The following MBD5 variants were observed in gnomAD, a reference collection of about 807,000 sequenced individuals.
MBD5 encodes the protein methyl-CpG-binding domain protein 5.
Under a neutral mutation model 117.3 loss-of-function variants are expected in MBD5, and 13 were observed. The observed-to-expected ratio is 0.11, with a 90% confidence interval of 0.07 to 0.18. The LOEUF (loss-of-function observed/expected upper bound fraction) is 0.18. Among genes scored for constraint, MBD5 ranks in the 10% least tolerant of loss-of-function variants. MBD5 has a pLI of 1.00. For synonymous variants in MBD5, 727 were observed against 766.4 expected (o/e 0.95, Z 0.85); for missense variants, 1,879 against 2,093.8 (o/e 0.90, Z 2.00).
chr2:148,272,827 C>G (rs997031993), intron 3 of MBD5, among the ~76,000 whole-genome samples: 1 of 151,990 alleles, frequency 6.6e-6, no homozygotes, highest in Admixed American at 6.6e-5. Flanking sequence ...GTTGTCTGTG[C>G]TTTCTGTTTG....
rs543394540 is a variant in MBD5, at chr2:148,223,265, G to A, written c.-830-9980G>A. ...GTATTTGTCTATTTTTGGTATAAGG[G>A]TAATACTGGGCTCATAGAATGAGTT... On this transcript the variant is annotated intron_variant, in intron 2 of 13. Transcript: ENST00000642680. 3.3e-5 allele frequency among the ~76,000 whole-genome samples: 5 copies of A among 152,012 alleles called. No individual in the cohort carries two copies. The East Asian group carries it at 9.7e-4, about 29-fold the overall frequency.
At chr2:148,287,352 C>T (rs1358606797) in intron 3 of MBD5, among the ~76,000 whole-genome samples, 1 of 152,196 alleles carries the variant, frequency 6.6e-6, no homozygotes, top group Admixed American at 6.5e-5. Context: ...TAGAGAAAGA[C>T]TGACCAACAA....
At chr2:148,308,487 C>CT (rs1701948279) in intron 3 of MBD5, among the ~76,000 whole-genome samples, 11 of 27,690 alleles carry the variant, frequency 4.0e-4, no homozygotes, top group South Asian at 1.5e-3. Context: ...TGATGGGGTT[C>CT]TTTCTTTTTT....
intron 2 of MBD5, among the ~76,000 whole-genome samples, chr2:148,211,592 A>G (rs755775451): frequency 3.9e-5 from 6 of 152,150 alleles, no homozygotes; most frequent in Non-Finnish European, 8.8e-5. Flanking sequence ...TAAAATATGA[A>G]GTATCTGAGG....
At chr2:148,120,575 G>A (rs1023569533) in intron 1 of MBD5, among the ~76,000 whole-genome samples, 2 of 151,954 alleles carry the variant, frequency 1.3e-5, no homozygotes, top group Non-Finnish European at 2.9e-5. Context: ...TAACTTCACT[G>A]TCCAACTGTT....
In MBD5 at chr2:148,513,167, A is replaced by G. The variant is rs748781033; in HGVS notation, c.*226A>G. 10 of 546,520 alleles carry G rather than the reference A, an allele frequency of 1.8e-5. No homozygotes were observed. The highest frequency in any genetic ancestry group is 2.9e-5 in the Non-Finnish European group (9 of 306,100). 33.9% of individuals were successfully genotyped at this position (546,520 alleles called of 1,614,324 possible). A position where few individuals can be genotyped will look rare whatever the true frequency, so the allele number is the denominator to read the frequency against. Reference sequence around the variant, plus strand: ...AGTCTCTGTGTGATGAGAGTGATCAATGGTCAAGAGATTACTGAGAAACTC... The same window carrying G: ...AGTCTCTGTGTGATGAGAGTGATCAGTGGTCAAGAGATTACTGAGAAACTC... On this transcript the variant is annotated 3_prime_UTR_variant, in exon 14 of 14. Coordinates refer to ENST00000642680, the MANE Select transcript of MBD5 (RefSeq NM_001378120.1).
At chr2:148,445,845 T>A (rs1225026663) in intron 4 of MBD5, among the ~76,000 whole-genome samples, 3 of 151,502 alleles carry the variant, frequency 2.0e-5, no homozygotes, top group Non-Finnish European at 2.9e-5. Flanking sequence ...TGTGAGATGG[T>A]ATCTCACTGT....
At chr2:148,302,323 T>C (rs2106483173) in intron 3 of MBD5, among the ~76,000 whole-genome samples, 1 of 152,298 alleles carries the variant, frequency 6.6e-6, no homozygotes, top group African/African-American at 2.4e-5. Context: ...AGACCAGATC[T>C]TTCTATTAAT....
At chr2:148,485,972 T>C (rs747826675) in intron 10 of MBD5, 22 bp downstream of exon 10, 1 of 1,605,760 alleles carries the variant, frequency 6.2e-7, no homozygotes, top group East Asian at 2.2e-5. Context: ...TGCTGTGTCA[T>C]TTTAGAAGAA....
At chr2:148,257,389 C>T (rs1700616217) in intron 3 of MBD5, among the ~76,000 whole-genome samples, 1 of 152,206 alleles carries the variant, frequency 6.6e-6, no homozygotes, top group Non-Finnish European at 1.5e-5. Flanking sequence ...AAATGCCCAC[C>T]AATATCCCAG....
chr2:148,502,318 A>T (rs1681896535), intron 11 of MBD5, 118 bp from the exon 12 acceptor site: 1 of 829,934 alleles, frequency 1.2e-6, no homozygotes, highest in Admixed American at 2.0e-5. Context: ...CAAGGTAGTG[A>T]AGGTTAAGGC....
intron 3 of MBD5, among the ~76,000 whole-genome samples, chr2:148,337,178 C>A (rs1283652401): frequency 2.0e-5 from 3 of 152,146 alleles, no homozygotes; most frequent in Admixed American, 6.5e-5. Context: ...TCTTTCCTGC[C>A]TAGTAGCCCG....
chr2:148,287,798 A>C (rs2890919), intron 3 of MBD5, among the ~76,000 whole-genome samples: 143,468 of 152,148 alleles, frequency 0.94, 68,179 homozygotes, highest in East Asian at 1. Flanking sequence ...CAATAATGAA[A>C]CCATCCTATG....
At chr2:148,431,688 T>C (rs1705989832) in intron 4 of MBD5, among the ~76,000 whole-genome samples, 1 of 152,184 alleles carries the variant, frequency 6.6e-6, no homozygotes, top group South Asian at 2.1e-4. Context: ...TGCAGCTCCA[T>C]CCATGTTTCT....
rs1682284534 is a variant in MBD5 at position 148,513,848 on chromosome 2, C to T, written c.*907C>T. On this transcript the variant is annotated 3_prime_UTR_variant, in exon 14 of 14. Coordinates refer to ENST00000642680, the MANE Select transcript of MBD5 (RefSeq NM_001378120.1). Reference sequence around the variant, plus strand: ...AGCAGATAGCTTATACTGACTGCACCACCGCTGGTGCTCAGAATTGAGGGT... The same window carrying T: ...AGCAGATAGCTTATACTGACTGCACTACCGCTGGTGCTCAGAATTGAGGGT... The T allele has an allele frequency of 6.6e-6, 1 of 152,072 alleles. No individual in the cohort carries two copies. Among genetic ancestry groups the T allele is most frequent in the East Asian group, 1.9e-4 (1 of 5,192 alleles). The allele number at this position is 152,072 out of a possible 1,614,324, so 9.4% of individuals were successfully genotyped here.
At chr2:148,386,963 A>T (rs1281072858) in intron 4 of MBD5, among the ~76,000 whole-genome samples, 1 of 152,152 alleles carries the variant, frequency 6.6e-6, no homozygotes, top group Non-Finnish European at 1.5e-5. Flanking sequence ...ACATGGCTGT[A>T]ACTGACCCCT....
intron 4 of MBD5, among the ~76,000 whole-genome samples, chr2:148,350,498 A>G (rs1703224699): frequency 6.6e-6 from 1 of 152,036 alleles, no homozygotes; most frequent in Non-Finnish European, 1.5e-5. Flanking sequence ...ATAGTGGGCA[A>G]TAGTTCAGTA....
chr2:148,041,634 C>T (rs1258314687), intron 1 of MBD5, among the ~76,000 whole-genome samples: 2 of 152,144 alleles, frequency 1.3e-5, no homozygotes, highest in Admixed American at 1.3e-4. Flanking sequence ...TGTACCTGTA[C>T]ACACGTTACA....
intron 1 of MBD5, among the ~76,000 whole-genome samples, chr2:148,098,844 A>T (rs937575690): frequency 6.6e-6 from 1 of 152,054 alleles, no homozygotes; most frequent in Non-Finnish European, 1.5e-5. Context: ...TGAACCCAGG[A>T]GTTCAAGACA....
Sources: allele counts gnomAD v4.1 joint callset (sites outside exome capture counted in the v4.1 genomes callset), GRCh38; gene constraint gnomAD v4.1.1; transcripts MANE v1.5; gene names NCBI Gene and HGNC (gene_info 2026-07-23, HGNC 2026-07-21).